IQCH: variants seen among roughly 807,000 people sequenced by gnomAD.
The protein encoded by IQCH is IQ domain-containing protein H.
IQCH carries 98 observed loss-of-function variants against 117.0 expected under a neutral mutation model. That is an observed-to-expected ratio of 0.84 (90% CI 0.71 to 0.99). IQCH has a LOEUF of 0.99. Among genes scored for constraint, IQCH ranks in the 50% least tolerant of loss-of-function variants. The pLI, the probability that IQCH is intolerant of heterozygous loss-of-function variation, is 0.00. For synonymous variants in IQCH, 412 were observed against 448.2 expected (o/e 0.92, Z 1.02); for missense variants, 1,102 against 1,243.8 (o/e 0.89, Z 1.72).
rs1331525974 is a variant in IQCH, at chr15:67,405,585, A to G, written c.2097+5280A>G. 1 of 152,248 alleles carries G rather than the reference A, an allele frequency of 6.6e-6. No individual in the cohort carries two copies. The highest frequency in any genetic ancestry group is 1.5e-5 in the Non-Finnish European group (1 of 68,050). 9.4% of individuals were successfully genotyped at this position (152,248 alleles called of 1,614,324 possible). A position where few individuals can be genotyped will look rare whatever the true frequency, so the allele number is the denominator to read the frequency against. On this transcript the variant is annotated intron_variant, in intron 14 of 20. Coordinates refer to ENST00000335894, the MANE Select transcript of IQCH (RefSeq NM_001031715.3). This position sits in a 1 kb window ranked among gnomAD's most constrained non-coding sequence, Gnocchi z 4.8. ...AAGGTATTACTTCTGTTTACAGATG[A>G]AGAAACTTATTCTCAAGAAGTGACT...
chr15:67,274,023 A>G (rs1014777705), intron 3 of IQCH, among the ~76,000 whole-genome samples: 7 of 152,234 alleles, frequency 4.6e-5, no homozygotes, highest in Non-Finnish European at 8.8e-5. Flanking sequence ...TCCATTGAGA[A>G]GTCGTTTGCC....
intron 3 of IQCH, among the ~76,000 whole-genome samples, chr15:67,266,499 C>CA (rs934736983): frequency 4.0e-5 from 6 of 151,556 alleles, no homozygotes; most frequent in Admixed American, 6.6e-5. Flanking sequence ...TATTAAAATA[C>CA]AAAAAAAATT....
intron 4 of IQCH, among the ~76,000 whole-genome samples, chr15:67,326,039 C>T (rs955554280): frequency 2.0e-5 from 3 of 152,060 alleles, no homozygotes; most frequent in South Asian, 2.1e-4. Flanking sequence ...CATGTGTGTG[C>T]GTGTGCCATG....
chr15:67,373,576 A>C, intron 10 of IQCH, 143 bp downstream of exon 10: 2 of 702,362 alleles, frequency 2.8e-6, no homozygotes, highest in Non-Finnish European at 5.1e-6. Context: ...GAGAGTAATA[A>C]CACAGGACCC....
intron 18 of IQCH, among the ~76,000 whole-genome samples, chr15:67,477,914 A>G (rs2083244832): frequency 6.6e-6 from 1 of 152,228 alleles, no homozygotes; most frequent in African/African-American, 2.4e-5. Context: ...CCTTGGGGTA[A>G]GTAAAGCACC....
rs112281059 is a variant in IQCH, at chr15:67,284,710, G to A, written c.387+5198G>A. ...CTCCCATTTATAAATGAGAACATGT[G>A]GTATTTTCTGTTCCTGCATTAGCTT... On this transcript the variant is annotated intron_variant, in intron 4 of 20. Transcript: ENST00000335894. 6.8e-3 allele frequency among the ~76,000 whole-genome samples: 1,034 copies of A among 152,044 alleles called. 7 individuals carry two copies. The highest frequency in any genetic ancestry group is 0.032 in the South Asian group (152 of 4,810).
At chr15:67,341,202 T>TA (rs879901568) in intron 5 of IQCH, among the ~76,000 whole-genome samples, 10 of 151,274 alleles carry the variant, frequency 6.6e-5, no homozygotes, top group African/African-American at 2.2e-4. Context: ...ACAGAGTGTC[T>TA]AAAAAAAATA....
At chr15:67,265,298 C>T (rs536462156) in intron 3 of IQCH, among the ~76,000 whole-genome samples, 1 of 152,358 alleles carries the variant, frequency 6.6e-6, no homozygotes, top group South Asian at 2.1e-4. Context: ...GCCTTTGCTC[C>T]TTACTAAGGT....
At position 67,436,786 on chromosome 15, in the gene IQCH, C is replaced by A. The variant is rs1024156333; in HGVS notation, c.2505+15209C>A. The stretch of plus-strand genomic sequence containing the variant: ...AGGCCTGTGACTGCTGGCTTTCCCC[C>A]ACTTCCCTGACAACCTGCATGACTC... On this transcript the variant is annotated intron_variant, in intron 16 of 20. Transcript: ENST00000335894. The surrounding 1 kb of genome is among the most constrained non-coding windows in gnomAD (Gnocchi z 5.1). Among the ~76,000 whole-genome samples, 1 of 152,112 alleles carries A rather than the reference C, an allele frequency of 6.6e-6. No individual in the cohort carries two copies. The highest frequency in any genetic ancestry group is 2.4e-5 in the African/African-American group (1 of 41,418).
chr15:67,378,859 G>A (rs557382187), intron 10 of IQCH, among the ~76,000 whole-genome samples: 42 of 152,162 alleles, frequency 2.8e-4, no homozygotes, highest in African/African-American at 9.6e-4. Flanking sequence ...TAAAAGGCTC[G>A]TTCAGTGGTT....
intron 10 of IQCH, among the ~76,000 whole-genome samples, chr15:67,379,414 A>G (rs1970845305): frequency 6.6e-6 from 1 of 152,236 alleles, no homozygotes; most frequent in South Asian, 2.1e-4. Flanking sequence ...ACAAGATTGA[A>G]AAAGGCAAAG....
intron 4 of IQCH, among the ~76,000 whole-genome samples, chr15:67,333,799 G>A (rs1416346316): frequency 6.6e-6 from 1 of 152,162 alleles, no homozygotes; most frequent in Non-Finnish European, 1.5e-5. Flanking sequence ...GTTCACACCT[G>A]TAATCCCAAC....
At chr15:67,340,464 A>C (rs1376211822) in intron 5 of IQCH, among the ~76,000 whole-genome samples, 2 of 136,118 alleles carry the variant, frequency 1.5e-5, no homozygotes, top group South Asian at 2.4e-4. Context: ...AAAAAAAAAA[A>C]CAGTAACTTG....
intron 8 of IQCH, among the ~76,000 whole-genome samples, chr15:67,368,514 C>T (rs1044650339): frequency 6.6e-6 from 1 of 152,188 alleles, no homozygotes; most frequent in Non-Finnish European, 1.5e-5. Context: ...ATTCTAAATG[C>T]AAACTCTCAT....
chr15:67,494,439 A>G lies in IQCH; in HGVS notation c.2970+73A>G. On this transcript the variant is annotated intron_variant, in intron 20 of 20. Transcript: ENST00000335894. The surrounding 1 kb of genome is among the most constrained non-coding windows in gnomAD (Gnocchi z 5.5). ...CTGAAAATACCTCATGCTGTATTGTAAACAAGTGCTAAACCATCTTTTTTT... is the reference window on the plus strand; with the variant it reads ...CTGAAAATACCTCATGCTGTATTGTGAACAAGTGCTAAACCATCTTTTTTT... 1.0e-6 allele frequency: 1 copy of G among 999,922 alleles called. No homozygotes were observed. Among genetic ancestry groups the G allele is most frequent in the Non-Finnish European group, 1.5e-6 (1 of 656,750 alleles). The allele number at this position is 999,922 out of a possible 1,614,324, so 61.9% of individuals were successfully genotyped here. A position where few individuals can be genotyped will look rare whatever the true frequency, so the allele number is the denominator to read the frequency against.
rs770631949 is a variant in IQCH, at chr15:67,500,656, T to A, written c.2994T>A (p.Thr998=). Residue 998 remains threonine (T), a synonymous_variant, in exon 21 of 21, where the codon ACT becomes ACA. Coordinates refer to ENST00000335894, the MANE Select transcript of IQCH (RefSeq NM_001031715.3). This position sits in a 1 kb window ranked among gnomAD's most constrained non-coding sequence, Gnocchi z 4.4. The part of the protein sequence containing the change: ...NFKTTIADIE[T]ILRVTKENKM... ...AGACCACCATTGCTGATATTGAAACTATTCTAAGAGTAACAAAGGAAAACA... is the reference window on the plus strand; with the variant it reads ...AGACCACCATTGCTGATATTGAAACAATTCTAAGAGTAACAAAGGAAAACA... The A allele has an allele frequency of 6.3e-7, 1 of 1,584,840 alleles. No individual in the cohort carries two copies. The highest frequency in any genetic ancestry group is 1.3e-5 in the African/African-American group (1 of 74,146).
At position 67,432,343 on chromosome 15, in the gene IQCH, G is replaced by C. The variant is rs1474295409; in HGVS notation, c.2505+10766G>C. Among the ~76,000 whole-genome samples, 2 of 152,056 alleles carry C rather than the reference G, an allele frequency of 1.3e-5. No homozygotes were observed. Among genetic ancestry groups the C allele is most frequent in the African/African-American group, 2.4e-5 (1 of 41,400 alleles). ...CATAAAGTCTGAAAACGATTTTTAA[G>C]AGTTTCTAAATACAGAATATCAGCC... On this transcript the variant is annotated intron_variant, in intron 16 of 20. Transcript: ENST00000335894. The surrounding 1 kb of genome is among the most constrained non-coding windows in gnomAD (Gnocchi z 5.0).
Position 67,365,414 on chromosome 15 carries a change from T to C in IQCH, c.753+5529T>C, listed in dbSNP as rs1171499954. 7.2e-5 allele frequency among the ~76,000 whole-genome samples: 11 copies of C among 152,192 alleles called. No homozygotes were observed. Among genetic ancestry groups the C allele is most frequent in the Non-Finnish European group, 1.5e-4 (10 of 68,038 alleles). On this transcript the variant is annotated intron_variant, in intron 8 of 20. Coordinates refer to ENST00000335894, the MANE Select transcript of IQCH (RefSeq NM_001031715.3). This position sits in a 1 kb window ranked among gnomAD's most constrained non-coding sequence, Gnocchi z 4.4. The stretch of plus-strand genomic sequence containing the variant: ...TGGCTATAAGCTTAAATTTTAGTAT[T>C]CACACTTTCATACATTCATTCATTC...
intron 8 of IQCH, among the ~76,000 whole-genome samples, chr15:67,362,441 G>C (rs934174616): frequency 6.6e-6 from 1 of 152,060 alleles, no homozygotes; most frequent in Non-Finnish European, 1.5e-5. Flanking sequence ...ACTTCTCTTA[G>C]TCATTCTTTT....
Sources: allele counts gnomAD v4.1 joint callset (sites outside exome capture counted in the v4.1 genomes callset), GRCh38; gene constraint gnomAD v4.1.1; non-coding constraint Gnocchi (gnomAD v3.1); transcripts MANE v1.5; gene names NCBI Gene and HGNC (gene_info 2026-07-23, HGNC 2026-07-21).